The following CIROZ variants were observed in gnomAD, a reference collection of about 807,000 sequenced individuals.
CIROZ encodes the protein ciliated left-right organizer protein containing ZP-N domains, also known as ciliated left-right organizer ZP-N domains-containing protein.
the CIROZ span, among the ~76,000 whole-genome samples, chr1:10,947,336 A>G: frequency 1.4e-4 from 22 of 152,290 alleles, no homozygotes; most frequent in African/African-American, 4.6e-4. Context: ...ACTGCCCTGC[A>G]CTCAGCGCCT....
At chr1:10,951,924 G>A in the CIROZ span, among the ~76,000 whole-genome samples, 15 of 151,816 alleles carry the variant, frequency 9.9e-5, no homozygotes, top group South Asian at 2.1e-4. Context: ...CTCTAACCAC[G>A]GGGAGTTTAG....
the CIROZ span, among the ~76,000 whole-genome samples, chr1:10,961,007 C>CA: frequency 6.6e-6 from 1 of 151,976 alleles, no homozygotes; most frequent in Non-Finnish European, 1.5e-5. Flanking sequence ...GAGCCCCCCC[C>CA]ACCCACCTGC....
the CIROZ span, among the ~76,000 whole-genome samples, chr1:10,965,992 C>G: frequency 6.6e-6 from 1 of 152,178 alleles, no homozygotes; most frequent in African/African-American, 2.4e-5. Flanking sequence ...TGAGTACCTA[C>G]TGTGTGCCAG....
At chr1:10,952,870 C>T in the CIROZ span, among the ~76,000 whole-genome samples, 1 of 152,206 alleles carries the variant, frequency 6.6e-6, no homozygotes, top group East Asian at 1.9e-4. Context: ...GAGCAAGAAC[C>T]AAATCCAGCA....
chr1:10,976,499 A>G, the CIROZ span, among the ~76,000 whole-genome samples: 1 of 151,898 alleles, frequency 6.6e-6, no homozygotes, highest in African/African-American at 2.4e-5. Context: ...TTACAGGCAC[A>G]TGCCACCACG....
At chr1:10,960,145 T>C in the CIROZ span, among the ~76,000 whole-genome samples, 1 of 152,062 alleles carries the variant, frequency 6.6e-6, no homozygotes, top group Non-Finnish European at 1.5e-5. The surrounding 1 kb of genome is among the most constrained non-coding windows in gnomAD (Gnocchi z 4.6). Context: ...CTCAGCACTT[T>C]GGGAGGCTGA....
chr1:10,958,693 A>G, the CIROZ span: 1 of 1,613,906 alleles, frequency 6.2e-7, no homozygotes, highest in Non-Finnish European at 8.5e-7. Context: ...TGCTCCTGCT[A>G]CTTCAATGGG....
the CIROZ span, among the ~76,000 whole-genome samples, chr1:10,962,887 A>G: frequency 6.6e-6 from 1 of 152,238 alleles, no homozygotes; most frequent in Non-Finnish European, 1.5e-5. Flanking sequence ...TGAGAGGCCA[A>G]GGTGAGAGGA....
the CIROZ span, among the ~76,000 whole-genome samples, chr1:10,953,292 T>C: frequency 6.6e-6 from 1 of 152,234 alleles, no homozygotes; most frequent in African/African-American, 2.4e-5. Context: ...TTAGGAAGTA[T>C]AAGATGAAAG....
At chr1:10,948,773 G>T in the CIROZ span, 1 of 1,523,256 alleles carries the variant, frequency 6.6e-7, no homozygotes, top group Non-Finnish European at 8.8e-7. Flanking sequence ...GCACCACTCT[G>T]GGGAGAATGG....
At chr1:10,957,306 C>T in the CIROZ span, among the ~76,000 whole-genome samples, 2 of 152,192 alleles carry the variant, frequency 1.3e-5, no homozygotes, top group Non-Finnish European at 2.9e-5. Flanking sequence ...TAGCAGGAAG[C>T]GAGCTCAGAG....
At chr1:10,961,551 A>AG in the CIROZ span, among the ~76,000 whole-genome samples, 1 of 152,146 alleles carries the variant, frequency 6.6e-6, no homozygotes, top group African/African-American at 2.4e-5. Context: ...AGATCAGATG[A>AG]GAAGAAAGCG....
chr1:10,957,772 A>T, the CIROZ span: 4 of 1,606,778 alleles, frequency 2.5e-6, no homozygotes, highest in Non-Finnish European at 2.6e-6. Context: ...AGAGGACACG[A>T]TCACAAACCA....
At chr1:10,972,209 A>G in the CIROZ span, among the ~76,000 whole-genome samples, 17 of 152,184 alleles carry the variant, frequency 1.1e-4, no homozygotes, top group Admixed American at 8.5e-4. Flanking sequence ...ATTTCCCCCA[A>G]TAGAGCCCTG....
chr1:10,954,899 C>T, the CIROZ span: 2 of 1,371,092 alleles, frequency 1.5e-6, no homozygotes, highest in African/African-American at 1.4e-5. Flanking sequence ...GGCCTACCTT[C>T]CATGTTTCTG....
the CIROZ span, among the ~76,000 whole-genome samples, chr1:10,958,260 T>C: frequency 1.3e-5 from 2 of 152,086 alleles, no homozygotes; most frequent in Non-Finnish European, 2.9e-5. Context: ...ACCCCAAATA[T>C]TCAAAGGGAT....
the CIROZ span, chr1:10,947,755 T>C: frequency 2.5e-6 from 4 of 1,591,770 alleles, no homozygotes; most frequent in East Asian, 9.0e-5. Context: ...GTGGGCTCTG[T>C]CAGCTCCTGC....
chr1:10,964,048 G>T, the CIROZ span: 6 of 1,545,762 alleles, frequency 3.9e-6, no homozygotes, highest in Non-Finnish European at 5.3e-6. Context: ...CAGGAGCCAG[G>T]GCCACCTGCC....
At chr1:10,976,132 A>G in the CIROZ span, 1 of 1,529,188 alleles carries the variant, frequency 6.5e-7, no homozygotes, top group Non-Finnish European at 8.8e-7. Context: ...CCTGATGCCA[A>G]CCATAAAAGT....
Sources: gnomAD v4.1 joint callset for allele counts (sites outside exome capture counted in the v4.1 genomes callset) on GRCh38, gnomAD v4.1.1 for gene constraint, Gnocchi (gnomAD v3.1) non-coding constraint, MANE v1.5 for transcripts, NCBI Gene and HGNC (gene_info 2026-07-23, HGNC 2026-07-21) for gene names.